Variants in MPDZ observed in about 807,000 individuals in gnomAD.
MPDZ encodes the protein multiple PDZ domain protein.
A neutral mutation model predicts 239.1 loss-of-function variants in MPDZ; 234 were observed. The ratio of observed to expected loss-of-function variants is 0.98; its 90% CI spans 0.88 to 1.09. The LOEUF (loss-of-function observed/expected upper bound fraction) is 1.09, where lower values mean the gene tolerates loss of function less well. MPDZ is among the 50% of genes least tolerant of loss of function. The pLI, the probability that MPDZ is intolerant of heterozygous loss-of-function variation, is 0.00. For synonymous variants in MPDZ, 1,048 were observed against 881.3 expected, an observed-to-expected ratio of 1.19 and a Z score of -3.35; for missense variants, 3,175 against 2,510.0, an observed-to-expected ratio of 1.26 and a Z score of -5.66.
At chr9:13,278,657 G>A (rs549402670) in intron 1 of MPDZ, among the ~76,000 whole-genome samples, 1 of 152,290 alleles carries the variant, frequency 6.6e-6, no homozygotes, top group East Asian at 1.9e-4. Flanking sequence ...AGCGCGGGGG[G>A]TGAGGAGACT....
In MPDZ at chr9:13,279,456, AG is replaced by A. The variant is rs1434217629; in HGVS notation, c.-115del. The A allele has an allele frequency of 2.0e-5, 3 of 148,278 alleles. No individual in the cohort carries two copies. In the East Asian group the frequency reaches 6.0e-4, roughly 30 times the overall value. The allele number at this position is 148,278 out of a possible 1,614,324, so 9.2% of individuals were successfully genotyped here. ...GCGAGGGGGCGGAGGACTGGGGAGCAGGGGTCGCCGGGGCCTCTGGATGCCT... is the reference window on the plus strand; with the variant it reads ...GCGAGGGGGCGGAGGACTGGGGAGCAGGGTCGCCGGGGCCTCTGGATGCCT... On this transcript the variant is annotated 5_prime_UTR_variant, in exon 1 of 47. Coordinates refer to ENST00000319217, the MANE Select transcript of MPDZ (RefSeq NM_001378778.1).
intron 1 of MPDZ, among the ~76,000 whole-genome samples, chr9:13,255,383 A>G (rs1969190925): frequency 6.6e-6 from 1 of 152,196 alleles, no homozygotes; most frequent in Admixed American, 6.5e-5. Flanking sequence ...CCTTCCTCCC[A>G]TGAATTACAA....
rs531992439 is a variant in MPDZ, at chr9:13,267,257, T to C, written c.-58+12143A>G. Among the ~76,000 whole-genome samples, 39 of 152,368 alleles carry C rather than the reference T, an allele frequency of 2.6e-4. 1 individual carries two copies. The South Asian group carries it at 7.5e-3, about 29-fold the overall frequency. ...ATGAAATTGGCGTCAGTTTTACTGT[T>C]TGAAATGAAACCATTTGTTTATAAT... On this transcript the variant is annotated intron_variant, in intron 1 of 46. Transcript: ENST00000319217.
chr9:13,155,835 A>C (rs1264596288), intron 24 of MPDZ, among the ~76,000 whole-genome samples: 1 of 152,174 alleles, frequency 6.6e-6, no homozygotes, highest in Admixed American at 6.6e-5. Flanking sequence ...TTCCCCTAGA[A>C]GTAGCTTAGT....
At chr9:13,270,283 CA>C (rs1168398124) in intron 1 of MPDZ, among the ~76,000 whole-genome samples, 2 of 152,132 alleles carry the variant, frequency 1.3e-5, no homozygotes, top group African/African-American at 4.8e-5. Flanking sequence ...ATTAAGTGAT[CA>C]GAAGGTACAG....
At chr9:13,215,487 G>A (rs1434459129) in intron 10 of MPDZ, among the ~76,000 whole-genome samples, 1 of 150,452 alleles carries the variant, frequency 6.6e-6, no homozygotes, top group Non-Finnish European at 1.5e-5. Context: ...AGATATTTGG[G>A]TTGCTTCCAT....
chr9:13,147,737 A>T (rs2132857468), intron 25 of MPDZ, 79 bp from the exon 26 acceptor site: 1 of 1,037,862 alleles, frequency 9.6e-7, no homozygotes, highest in Middle Eastern at 2.1e-4. Flanking sequence ...AGTTTTAGGG[A>T]TACTTGGTTA....
At chr9:13,128,761 G>A (rs772997513) in intron 32 of MPDZ, among the ~76,000 whole-genome samples, 1 of 152,190 alleles carries the variant, frequency 6.6e-6, no homozygotes, top group Non-Finnish European at 1.5e-5. Context: ...CTTTTGCTCA[G>A]AAGGCTTGAA....
At chr9:13,246,259 T>C (rs951741672) in intron 3 of MPDZ, among the ~76,000 whole-genome samples, 2 of 152,088 alleles carry the variant, frequency 1.3e-5, no homozygotes, top group African/African-American at 4.8e-5. Context: ...CTGGCCAACA[T>C]GGTGAAACCC....
intron 3 of MPDZ, among the ~76,000 whole-genome samples, chr9:13,226,456 C>T (rs563549515): frequency 4.6e-5 from 7 of 152,180 alleles, no homozygotes; most frequent in African/African-American, 1.7e-4. Context: ...GTCTGTCCCT[C>T]ACCCACTTAG....
chr9:13,166,517 C>T (rs1434960311), intron 22 of MPDZ, among the ~76,000 whole-genome samples: 1 of 152,024 alleles, frequency 6.6e-6, no homozygotes, highest in Non-Finnish European at 1.5e-5. Flanking sequence ...AAGAAATCAA[C>T]GTGTTTTGAA....
rs757005699 is a variant in MPDZ, at chr9:13,109,944, G to A, written c.5942+8C>T. ...AAATGATACACTAATCATCATGTAT[G>A]AACTCACCCTAAATCATCCTGAAAT... On this transcript the variant is annotated splice_region_variant and intron_variant, in intron 45 of 46. Coordinates refer to ENST00000319217, the MANE Select transcript of MPDZ (RefSeq NM_001378778.1). 15 of 1,602,986 alleles carry A rather than the reference G, an allele frequency of 9.4e-6. No homozygotes were observed. In the East Asian group the frequency reaches 2.5e-4, roughly 26 times the overall value.
chr9:13,131,135 C>G (rs1222417792), intron 32 of MPDZ, among the ~76,000 whole-genome samples: 1 of 152,090 alleles, frequency 6.6e-6, no homozygotes, highest in Non-Finnish European at 1.5e-5. Context: ...TCAGCTGATT[C>G]ATGAGTGTTA....
chr9:13,125,434 AATTAGTAGAC>A, intron 34 of MPDZ, 44 bp from the exon 35 acceptor site: 1 of 1,556,746 alleles, frequency 6.4e-7, no homozygotes, highest in Non-Finnish European at 8.8e-7. Context: ...TTCAAAGCTG[AATTAGTAGAC>A]ATACCAATGA....
intron 5 of MPDZ, among the ~76,000 whole-genome samples, chr9:13,223,038 C>T (rs1458664889): frequency 1.3e-5 from 2 of 152,018 alleles, no homozygotes; most frequent in African/African-American, 2.4e-5. Context: ...ATAGGATTTG[C>T]ACTGTGTTAG....
intron 3 of MPDZ, among the ~76,000 whole-genome samples, chr9:13,240,607 A>T (rs994819188): frequency 1.3e-5 from 2 of 149,794 alleles, no homozygotes; most frequent in African/African-American, 4.9e-5. Context: ...AAAAAAAAAA[A>T]AGACTGGCTT....
At chr9:13,228,229 T>C (rs1254112015) in intron 3 of MPDZ, among the ~76,000 whole-genome samples, 2 of 152,180 alleles carry the variant, frequency 1.3e-5, no homozygotes, top group Non-Finnish European at 2.9e-5. Context: ...GTTTAAGTTC[T>C]GGCTGAACAT....
At chr9:13,135,931 A>AT in intron 31 of MPDZ, 161 bp downstream of exon 31, 5 of 532,094 alleles carry the variant, frequency 9.4e-6, no homozygotes, top group Non-Finnish European at 1.7e-5. Flanking sequence ...GCTTATTTCC[A>AT]TGAGTGTCTT....
intron 1 of MPDZ, chr9:13,276,532 T>G (rs2139537151): frequency 6.6e-6 from 1 of 152,284 alleles, no homozygotes; most frequent in South Asian, 2.1e-4. Context: ...TTTTCAAAAG[T>G]ACATACAACT....
Sources: allele counts gnomAD v4.1 joint callset (sites outside exome capture counted in the v4.1 genomes callset), GRCh38; gene constraint gnomAD v4.1.1; transcripts MANE v1.5; gene names NCBI Gene and HGNC (gene_info 2026-07-23, HGNC 2026-07-21).